ELFN2: variants seen among roughly 807,000 people sequenced by gnomAD.
ELFN2 encodes the protein protein phosphatase 1 regulatory subunit 29.
In ELFN2, 17 loss-of-function variants were observed where a neutral mutation model predicts 45.5. The ratio of observed to expected loss-of-function variants is 0.37; its 90% confidence interval spans 0.26 to 0.56. The LOEUF (loss-of-function observed/expected upper bound fraction) is 0.56, where lower values mean the gene tolerates loss of function less well. Ranked by LOEUF, ELFN2 falls within the 20% of genes least tolerant of loss-of-function variation. ELFN2 has a pLI of 0.77. For missense variants in ELFN2, 922 were observed against 1,183.2 expected, an observed-to-expected ratio of 0.78 and a Z score of 3.24; for synonymous variants, 550 against 551.5, an observed-to-expected ratio of 1.00 and a Z score of 0.04.
In ELFN2 at chr22:37,374,590, G is replaced by A. The variant is rs2071856; in HGVS notation, c.945C>T (p.Ile315=). 0.3 allele frequency: 487,902 copies of A among 1,614,048 alleles called. 75,436 individuals carry two copies. Among genetic ancestry groups the A allele is most frequent in the South Asian group, 0.4 (36,552 of 91,082 alleles). Residue 315 remains isoleucine, a synonymous_variant, in exon 3 of 3, where the codon ATC becomes ATT. Transcript: ENST00000402918. ...TGTACATCTTGCTGTAGGGGTGTGGGATGATGACCACCAGGGTGGCCGAGG... is the reference window on the plus strand; with the variant it reads ...TGTACATCTTGCTGTAGGGGTGTGGAATGATGACCACCAGGGTGGCCGAGG... The part of the protein sequence containing the change: ...TFTSATLVVI[I]PHPYSKMYIL...
intron 1 of ELFN2, among the ~76,000 whole-genome samples, chr22:37,421,902 C>T (rs1380106015): frequency 6.6e-6 from 1 of 152,182 alleles, no homozygotes; most frequent in African/African-American, 2.4e-5. Flanking sequence ...GACCCCACAG[C>T]CTCTGTCTCT....
In ELFN2 at chr22:37,373,659, G is replaced by A. The variant is rs199787830; in HGVS notation, c.1876C>T (p.Arg626Cys). 84 of 1,581,896 alleles carry A rather than the reference G, an allele frequency of 5.3e-5. 1 individual carries two copies. The highest frequency in any genetic ancestry group is 3.4e-4 in the Middle Eastern group (2 of 5,916). Residue 626 changes from arginine to cysteine, a missense_variant, in exon 3 of 3, where the codon CGC becomes TGC. By Grantham distance (180) the Arg-to-Cys change is radical. Around this residue, in one of 2 missense-constraint regions of ELFN2, gnomAD observed 564 missense variants for 642.8 expected, o/e 0.88. Transcript: ENST00000402918. ...RQLSADAAVT[R>C]KTCSVSSSGS... ...CTGGACGACACGCTGCAGGTCTTGC[G>A]GGTCACGGCCGCGTCGGCGCTCAGC...
chr22:37,380,166 T>A (rs1931711152), intron 2 of ELFN2, among the ~76,000 whole-genome samples: 2 of 152,172 alleles, frequency 1.3e-5, no homozygotes, highest in African/African-American at 4.8e-5. Flanking sequence ...GAGCCCCCAC[T>A]GCACTGCGGC....
At chr22:37,392,758 A>G (rs1342673256) in intron 2 of ELFN2, among the ~76,000 whole-genome samples, 1 of 152,170 alleles carries the variant, frequency 6.6e-6, no homozygotes, top group Non-Finnish European at 1.5e-5. Flanking sequence ...ACATATCTGT[A>G]TATTCCACTC....
At chr22:37,351,154 C>G (rs932503149) in intron 1 of ELFN2, among the ~76,000 whole-genome samples, 1 of 149,440 alleles carries the variant, frequency 6.7e-6, no homozygotes, top group South Asian at 2.1e-4. Context: ...CCTCCTCCCT[C>G]CTCTCCTCCT....
chr22:37,360,899 G>C (rs151189672), intron 1 of ELFN2, among the ~76,000 whole-genome samples: 6 of 152,352 alleles, frequency 3.9e-5, no homozygotes, highest in Middle Eastern at 3.4e-3. Context: ...GCAGTGGGCA[G>C]AGTGAAGCGC....
Position 37,373,785 on chromosome 22 carries a change from C to T in ELFN2, c.1750G>A (p.Ala584Thr). The T allele has an allele frequency of 6.2e-7, 1 of 1,604,628 alleles. No homozygotes were observed. ...CCAGTGGCTGAGGAGGCGGCAGCAG[C>T]TGCAGGGAGGGACTGGCACTCGAAG... ...LAFECQSLPA[A>T]AAASSATGPG... Residue 584 changes from alanine (A) to threonine (T), a missense_variant, in exon 3 of 3, where the codon GCT becomes ACT. Around this residue, in one of 2 missense-constraint regions of ELFN2, gnomAD observed 564 missense variants for 642.8 expected, o/e 0.88. Coordinates refer to ENST00000402918, the MANE Select transcript of ELFN2 (RefSeq NM_052906.5).
At chr22:37,389,232 T>C (rs1336372398) in intron 2 of ELFN2, among the ~76,000 whole-genome samples, 1 of 151,942 alleles carries the variant, frequency 6.6e-6, no homozygotes. Flanking sequence ...GACCAGCTGT[T>C]CCTGACTCTC....
rs571552441 is a variant in ELFN2 at position 37,389,216 on chromosome 22, G to C, written c.-462-13220C>G. Among the ~76,000 whole-genome samples the C allele has an allele frequency of 3.3e-5, 5 of 152,196 alleles. No individual in the cohort carries two copies. The South Asian group carries it at 8.3e-4, about 25-fold the overall frequency. On this transcript the variant is annotated intron_variant, in intron 2 of 2. Transcript: ENST00000402918. Reference sequence around the variant, plus strand: ...GAGGGAGAGAGAAGAGGGTGAGACAGAGCAGGACCAGCTGTTCCTGACTCT... The same window carrying C: ...GAGGGAGAGAGAAGAGGGTGAGACACAGCAGGACCAGCTGTTCCTGACTCT...
chr22:37,382,999 C>T (rs1931831522), intron 2 of ELFN2, among the ~76,000 whole-genome samples: 1 of 152,214 alleles, frequency 6.6e-6, no homozygotes. Flanking sequence ...ACCCTTCTGA[C>T]ATCTCCTGGT....
intron 1 of ELFN2, among the ~76,000 whole-genome samples, chr22:37,359,174 G>A (rs5756648): frequency 1.3e-5 from 2 of 151,932 alleles, no homozygotes; most frequent in East Asian, 3.9e-4. Flanking sequence ...AAGGCCACCC[G>A]GCAGGGAATT....
intron 2 of ELFN2, among the ~76,000 whole-genome samples, chr22:37,391,070 G>A (rs953732645): frequency 6.6e-6 from 1 of 152,226 alleles, no homozygotes; most frequent in African/African-American, 2.4e-5. Flanking sequence ...AAACAGCCAT[G>A]CTGTGAGCAC....
intron 1 of ELFN2, among the ~76,000 whole-genome samples, chr22:37,421,671 A>T (rs1413086658): frequency 6.6e-6 from 1 of 152,212 alleles, no homozygotes; most frequent in Non-Finnish European, 1.5e-5. Context: ...CATGCTAATA[A>T]GGGTGTGTGT....
intron 2 of ELFN2, among the ~76,000 whole-genome samples, chr22:37,389,911 A>G (rs1932048478): frequency 6.6e-6 from 1 of 152,188 alleles, no homozygotes; most frequent in Non-Finnish European, 1.5e-5. Context: ...CTCTGTAAGA[A>G]AAGCATAGAG....
chr22:37,421,000 A>C (rs915620195), intron 1 of ELFN2, among the ~76,000 whole-genome samples: 2 of 152,106 alleles, frequency 1.3e-5, no homozygotes, highest in Non-Finnish European at 2.9e-5. Flanking sequence ...TTAAAATTGC[A>C]AGTTCCTGCA....
chr22:37,350,970 G>A (rs1216088865), intron 1 of ELFN2, among the ~76,000 whole-genome samples: 1 of 150,314 alleles, frequency 6.7e-6, no homozygotes. Flanking sequence ...TCCTGCCCCT[G>A]CCTCAGTGGG....
At chr22:37,351,178 C>T (rs946692862) in intron 1 of ELFN2, among the ~76,000 whole-genome samples, 1 of 149,234 alleles carries the variant, frequency 6.7e-6, no homozygotes, top group Non-Finnish European at 1.5e-5. Context: ...CCCCTCTCTC[C>T]TCCCAGTCCT....
intron 1 of ELFN2, among the ~76,000 whole-genome samples, chr22:37,362,180 G>A (rs60109736): frequency 0.022 from 3,396 of 152,320 alleles, 58 homozygotes; most frequent in Middle Eastern, 0.085. Flanking sequence ...TCATCAGCCC[G>A]TGGGGAAGAG....
intron 2 of ELFN2, among the ~76,000 whole-genome samples, chr22:37,377,512 A>G (rs1453094398): frequency 6.6e-6 from 1 of 152,246 alleles, no homozygotes; most frequent in African/African-American, 2.4e-5. Context: ...CTTTGCCATT[A>G]AAGCAAAACC....
Sources: allele counts gnomAD v4.1 joint callset (sites outside exome capture counted in the v4.1 genomes callset), GRCh38; gene constraint gnomAD v4.1.1; regional missense constraint gnomAD v4.1.1; transcripts MANE v1.5; gene names NCBI Gene and HGNC (gene_info 2026-07-23, HGNC 2026-07-21).